The following OSBPL10 variants were observed in gnomAD, a reference collection of about 807,000 sequenced individuals.
OSBPL10 encodes oxysterol-binding protein-related protein 10.
Under a neutral mutation model 81.7 loss-of-function variants are expected in OSBPL10, and 49 were observed. The observed-to-expected ratio is 0.60, with a 90% CI of 0.48 to 0.76. OSBPL10 has a LOEUF of 0.76. OSBPL10 is among the 30% of genes least tolerant of loss of function. The pLI is 0.00. For synonymous variants in OSBPL10, 419 were observed against 383.6 expected (o/e 1.09, Z -1.08); for missense variants, 923 against 987.8 (o/e 0.93, Z 0.88).
chr3:31,746,981 A>T (rs1395961623), intron 5 of OSBPL10, among the ~76,000 whole-genome samples: 1 of 151,992 alleles, frequency 6.6e-6, no homozygotes. Context: ...TAATAATAAT[A>T]AAAAAAAGAA....
rs535023573 is a variant in OSBPL10 at position 31,950,021 on chromosome 3, T to G, written c.281+30878A>C. Among the ~76,000 whole-genome samples the G allele has an allele frequency of 5.3e-5, 8 of 152,226 alleles. No individual in the cohort carries two copies. In the East Asian group the frequency reaches 1.5e-3, roughly 29 times the overall value. On this transcript the variant is annotated intron_variant, in intron 1 of 11. Transcript: ENST00000396556. ...TAGGTCTCGGTGGAAATCCTACTTA[T>G]GTAGGCTTGTATTAGCTTCCAGGGT...
chr3:31,894,175 G>A lies in OSBPL10; in HGVS notation c.282-14345C>T, dbSNP rs528276355. On this transcript the variant is annotated intron_variant, in intron 1 of 11. Transcript: ENST00000396556. ...TTACTCCAAGAAATGTCACTTAGCC[G>A]TTGGATGGATGAATCTGGAGCCCAG... Among the ~76,000 whole-genome samples the A allele has an allele frequency of 7.2e-5, 11 of 152,278 alleles. No individual in the cohort carries two copies. The South Asian group carries it at 1.0e-3, about 14-fold the overall frequency.
chr3:31,825,511 G>T (rs935372967), intron 4 of OSBPL10, among the ~76,000 whole-genome samples: 35 of 152,082 alleles, frequency 2.3e-4, no homozygotes, highest in African/African-American at 8.5e-4. Context: ...TTGTTGAAAT[G>T]GAGTCTGTGT....
intron 1 of OSBPL10, among the ~76,000 whole-genome samples, chr3:31,956,993 G>A (rs892034850): frequency 6.6e-6 from 1 of 152,044 alleles, no homozygotes; most frequent in South Asian, 2.1e-4. Flanking sequence ...AAGTTATCTG[G>A]ATGTGGTGGT....
At chr3:32,006,795 C>T (rs945657466) in intron 2 of OSBPL10, among the ~76,000 whole-genome samples, 2 of 152,226 alleles carry the variant, frequency 1.3e-5, no homozygotes, top group Non-Finnish European at 2.9e-5. Context: ...ACTTATGTAC[C>T]ATAATGCTTT....
chr3:31,913,325 TACA>T (rs906187821), intron 1 of OSBPL10, among the ~76,000 whole-genome samples: 1 of 151,920 alleles, frequency 6.6e-6, no homozygotes, highest in Non-Finnish European at 1.5e-5. Flanking sequence ...CTCAGCTCAC[TACA>T]ACCTCCACCT....
In OSBPL10 at chr3:32,007,163, T is replaced by C. The variant is rs144887025; in HGVS notation, n.298+39328A>G. Among the ~76,000 whole-genome samples, 1,492 of 152,304 alleles carry C rather than the reference T, an allele frequency of 9.8e-3. 31 individuals are homozygous for C. The highest frequency in any genetic ancestry group is 0.034 in the African/African-American group (1,405 of 41,570). Reference sequence around the variant, plus strand: ...ATATATAAAATATTCTCTTTAGGCATGATGAAATTTTTGTTTTTATGTCCA... The same window carrying C: ...ATATATAAAATATTCTCTTTAGGCACGATGAAATTTTTGTTTTTATGTCCA... On this transcript the variant is annotated intron_variant and non_coding_transcript_variant, in intron 2 of 3. Transcript: ENST00000479173.
chr3:31,958,565 A>G (rs910286692), intron 1 of OSBPL10, among the ~76,000 whole-genome samples: 1 of 152,066 alleles, frequency 6.6e-6, no homozygotes, highest in Non-Finnish European at 1.5e-5. Context: ...ACAAGGGCCC[A>G]TTTTTTTCCC....
At chr3:32,039,532 A>G (rs1177773446) in intron 2 of OSBPL10, among the ~76,000 whole-genome samples, 1 of 149,206 alleles carries the variant, frequency 6.7e-6, no homozygotes, top group Non-Finnish European at 1.5e-5. Context: ...GTTGGTGGGC[A>G]CCTGTAATCC....
intron 2 of OSBPL10, among the ~76,000 whole-genome samples, chr3:32,031,849 A>G (rs1409421593): frequency 2.0e-5 from 3 of 152,234 alleles, no homozygotes; most frequent in Admixed American, 6.5e-5. Context: ...TAAAGCTAAC[A>G]TAGGAAATGC....
chr3:32,030,538 A>G (rs1294939892), intron 2 of OSBPL10: 2 of 755,112 alleles, frequency 2.6e-6, no homozygotes, highest in Admixed American at 1.8e-5. Context: ...AAATGATCAG[A>G]AAAAGAAAGA....
chr3:31,796,009 T>C, intron 4 of OSBPL10: 1 of 200,710 alleles, frequency 5.0e-6, no homozygotes, highest in African/African-American at 2.4e-5. Context: ...TCACACTGGG[T>C]AAAAGCCTTA....
Position 31,980,968 on chromosome 3 carries a change from C to T in OSBPL10, c.212G>A (p.Arg71His). 2 of 1,568,468 alleles carry T rather than the reference C, an allele frequency of 1.3e-6. No individual in the cohort carries two copies. Among genetic ancestry groups the T allele is most frequent in the Non-Finnish European group, 1.7e-6 (2 of 1,162,090 alleles). The stretch of plus-strand genomic sequence containing the variant: ...GCCCTCGAGCGCCGGCTCCCTCCTG[C>T]GGCCGCCTCCCCCGGACGGGCTAGC... ...VAASPSGGGGRRREPALEGVL... is the reference protein window; with the variant it reads ...VAASPSGGGGHRREPALEGVL... The change falls in exon 1 of 12, where the codon CGC becomes CAC. Residue 71 changes from arginine to histidine, a missense_variant. Arg to His is a conservative substitution (Grantham distance 29). This residue lies in a region of OSBPL10 where 514 missense variants were observed against 508.0 expected (regional missense o/e 1.01). Transcript: ENST00000396556.
chr3:31,926,714 G>A (rs1390253836), intron 1 of OSBPL10, among the ~76,000 whole-genome samples: 2 of 152,188 alleles, frequency 1.3e-5, no homozygotes, highest in African/African-American at 4.8e-5. Context: ...TGCTTTGAAT[G>A]TTATTCTCAT....
intron 1 of OSBPL10, among the ~76,000 whole-genome samples, chr3:31,972,789 A>G (rs568312117): frequency 2.6e-5 from 4 of 152,310 alleles, no homozygotes; most frequent in East Asian, 1.9e-4. Flanking sequence ...ATTTTCATCA[A>G]TATATTTATA....
At chr3:31,903,430 G>A (rs1696312864) in intron 1 of OSBPL10, among the ~76,000 whole-genome samples, 2 of 150,326 alleles carry the variant, frequency 1.3e-5, no homozygotes, top group African/African-American at 4.9e-5. Context: ...CTAGGCCCAA[G>A]CAAACCTTCC....
intron 2 of OSBPL10, among the ~76,000 whole-genome samples, chr3:32,024,044 A>C (rs1392357009): frequency 6.6e-6 from 1 of 152,190 alleles, no homozygotes; most frequent in Non-Finnish European, 1.5e-5. Flanking sequence ...CAGAAAAGAG[A>C]GGCCTACTGT....
chr3:31,676,007 G>A (rs1378953513), intron 8 of OSBPL10, among the ~76,000 whole-genome samples: 2 of 151,566 alleles, frequency 1.3e-5, no homozygotes, highest in African/African-American at 4.8e-5. Context: ...ACCTGTGAGG[G>A]ATGGAAGAGA....
At chr3:31,834,939 A>G (rs758221893) in intron 3 of OSBPL10, among the ~76,000 whole-genome samples, 7 of 152,278 alleles carry the variant, frequency 4.6e-5, no homozygotes, top group Non-Finnish European at 7.4e-5. Flanking sequence ...AATATTACCT[A>G]CTTCATTGGG....
Sources: allele counts gnomAD v4.1 joint callset (sites outside exome capture counted in the v4.1 genomes callset), GRCh38; gene constraint gnomAD v4.1.1; regional missense constraint gnomAD v4.1.1; transcripts MANE v1.5; gene names NCBI Gene and HGNC (gene_info 2026-07-23, HGNC 2026-07-21).